SPATA22: variants seen among roughly 807,000 people sequenced by gnomAD.
SPATA22 encodes spermatogenesis-associated protein 22.
Under a neutral mutation model 47.8 loss-of-function variants are expected in SPATA22, and 29 were observed. The ratio of observed to expected loss-of-function variants is 0.61; its 90% CI spans 0.45 to 0.83. The LOEUF is 0.83. Among genes scored for constraint, SPATA22 ranks in the 40% least tolerant of loss-of-function variants. The probability of loss-of-function intolerance (pLI) is 0.00; values close to 1 mark genes in which losing one functional copy is unlikely to be tolerated. For missense variants in SPATA22, 410 were observed against 421.7 expected (o/e 0.97, Z 0.24); for synonymous variants, 133 against 140.9 (o/e 0.94, Z 0.40).
At chr17:3,504,781 AC>A (rs2074026507) in intron 1 of SPATA22, among the ~76,000 whole-genome samples, 1 of 151,938 alleles carries the variant, frequency 6.6e-6, no homozygotes, top group Admixed American at 6.6e-5. Context: ...CTGGTCTCGA[AC>A]CCCCGAACTC....
At chr17:3,472,398 C>G (rs1014376759), upstream of SPATA22, 1 of 152,550 alleles carries the variant, frequency 6.6e-6, no homozygotes, top group Non-Finnish European at 1.5e-5. Context: ...GGTGTGCGAC[C>G]CTGGGCGTTG....
At chr17:3,496,959 G>A (rs548167131) in intron 1 of SPATA22, among the ~76,000 whole-genome samples, 7 of 152,248 alleles carry the variant, frequency 4.6e-5, no homozygotes, top group South Asian at 2.1e-4. Context: ...CCAGCTACTC[G>A]GGAGCCTGAG....
upstream of SPATA22, chr17:3,476,361 G>T (rs1212502643): frequency 6.2e-7 from 1 of 1,614,130 alleles, no homozygotes; most frequent in East Asian, 2.2e-5. Context: ...TATTGACTGT[G>T]ACCTGAATCG....
chr17:3,485,064 G>C lies in SPATA22; in HGVS notation c.-73-15666C>G, dbSNP rs969298851. Reference sequence around the variant, plus strand: ...GAAAAGGGTCTCACTCTGTTGCCCAGGCTGAGTGTAGTGGCACGATCACAG... The same window carrying C: ...GAAAAGGGTCTCACTCTGTTGCCCACGCTGAGTGTAGTGGCACGATCACAG... On this transcript the variant is annotated intron_variant, in intron 1 of 8. Coordinates refer to the SPATA22 transcript ENST00000541913. The surrounding 1 kb of genome is among the most constrained non-coding windows in gnomAD (Gnocchi z 4.4). Among the ~76,000 whole-genome samples, 1 of 152,034 alleles carries C rather than the reference G, an allele frequency of 6.6e-6. No individual in the cohort carries two copies. The highest frequency in any genetic ancestry group is 1.5e-5 in the Non-Finnish European group (1 of 68,022).
chr17:3,455,376 T>C (rs1170962339), intron 5 of SPATA22, among the ~76,000 whole-genome samples: 1 of 151,692 alleles, frequency 6.6e-6, no homozygotes, highest in East Asian at 1.9e-4. Context: ...TGCCCATGCC[T>C]ATGTCCTGAA....
At chr17:3,445,041 G>A (rs942721685) in intron 7 of SPATA22, among the ~76,000 whole-genome samples, 7 of 152,024 alleles carry the variant, frequency 4.6e-5, no homozygotes, top group Non-Finnish European at 1.0e-4. Context: ...AGAGAACCTG[G>A]GGAAATGAAT....
At chr17:3,476,311 T>C, upstream of SPATA22, 3 of 1,614,150 alleles carry the variant, frequency 1.9e-6, no homozygotes, top group Non-Finnish European at 2.5e-6. Flanking sequence ...GTAAAACCAT[T>C]TATTACTAAC....
chr17:3,462,062 TCC>T (rs1360502109), intron 5 of SPATA22, among the ~76,000 whole-genome samples: 1 of 152,200 alleles, frequency 6.6e-6, no homozygotes, highest in Non-Finnish European at 1.5e-5. Flanking sequence ...CTTCTGCCAT[TCC>T]GTTTACCTTG....
At chr17:3,447,021 T>C (rs550113294) in intron 6 of SPATA22, among the ~76,000 whole-genome samples, 1 of 152,222 alleles carries the variant, frequency 6.6e-6, no homozygotes, top group African/African-American at 2.4e-5. Flanking sequence ...ATGCCAAACA[T>C]AGCTATTTAG....
intron 1 of SPATA22, among the ~76,000 whole-genome samples, chr17:3,509,329 C>G (rs769378092): frequency 6.6e-6 from 1 of 152,122 alleles, no homozygotes; most frequent in East Asian, 1.9e-4. Context: ...CCCCTACCCC[C>G]CAACAGGCCC....
Position 3,446,558 on chromosome 17 carries a change from G to A in SPATA22, c.716C>T (p.Ser239Phe). The A allele has an allele frequency of 6.2e-7, 1 of 1,601,990 alleles. No homozygotes were observed. The highest frequency in any genetic ancestry group is 1.1e-5 in the South Asian group (1 of 89,488). The change falls in exon 7 of 9, where the codon TCT becomes TTT. Residue 239 changes from serine to phenylalanine, a missense_variant. By Grantham distance (155) the Ser-to-Phe change is radical. Coordinates refer to ENST00000572969, the MANE Select transcript of SPATA22 (RefSeq NM_001170698.2). ...YQLQFKEKAS[S>F]LRIISAVIES... ...AATAACTGCAGAAATAATTCTTAAA[G>A]AACTAGCTTTTTCCTTAAACTGTAA...
At chr17:3,461,316 C>T (rs1359065919) in intron 5 of SPATA22, among the ~76,000 whole-genome samples, 1 of 152,168 alleles carries the variant, frequency 6.6e-6, no homozygotes, top group African/African-American at 2.4e-5. Context: ...AAAAGATCTT[C>T]AGCAGATTAC....
rs1207726373 is a variant in SPATA22 at position 3,485,145 on chromosome 17, A to G, written c.-73-15747T>C. Reference sequence around the variant, plus strand: ...GCAATCCTCCCATCTCAGCCTCCCAAGTAGCTTGAACTACAGGCACGTGCC... The same window carrying G: ...GCAATCCTCCCATCTCAGCCTCCCAGGTAGCTTGAACTACAGGCACGTGCC... On this transcript the variant is annotated intron_variant, in intron 1 of 8. Coordinates refer to the SPATA22 transcript ENST00000541913. This position sits in a 1 kb window ranked among gnomAD's most constrained non-coding sequence, Gnocchi z 4.4. Among the ~76,000 whole-genome samples the G allele has an allele frequency of 6.6e-6, 1 of 152,104 alleles. No homozygotes were observed. Among genetic ancestry groups the G allele is most frequent in the Non-Finnish European group, 1.5e-5 (1 of 68,018 alleles).
chr17:3,496,056 G>A (rs1036035781), intron 1 of SPATA22, among the ~76,000 whole-genome samples: 1 of 152,232 alleles, frequency 6.6e-6, no homozygotes, highest in African/African-American at 2.4e-5. Flanking sequence ...ACGGAGAAGT[G>A]AGATGAATGA....
At chr17:3,457,198 G>A (rs1268892742) in intron 5 of SPATA22, among the ~76,000 whole-genome samples, 2 of 150,748 alleles carry the variant, frequency 1.3e-5, no homozygotes, top group South Asian at 4.3e-4. Context: ...GTTCTGGCCA[G>A]GGCAATTAGG....
At chr17:3,476,504 T>C, upstream of SPATA22, 1 of 1,002,070 alleles carries the variant, frequency 1.0e-6, no homozygotes, top group Non-Finnish European at 1.6e-6. Flanking sequence ...TGTCCGTACA[T>C]GCAGTCGTAT....
intron 1 of SPATA22, among the ~76,000 whole-genome samples, chr17:3,491,074 C>T (rs1012531842): frequency 6.6e-6 from 1 of 152,186 alleles, no homozygotes; most frequent in Non-Finnish European, 1.5e-5. Context: ...GGGCTTCATT[C>T]TTGACTCTGT....
Position 3,490,096 on chromosome 17 carries a change from A to G in SPATA22, c.-73-20698T>C, listed in dbSNP as rs184929574. Among the ~76,000 whole-genome samples the G allele has an allele frequency of 2.6e-5, 4 of 152,298 alleles. No homozygotes were observed. Among genetic ancestry groups the G allele is most frequent in the Admixed American group, 2.6e-4 (4 of 15,292 alleles). On this transcript the variant is annotated intron_variant, in intron 1 of 8. Transcript: ENST00000541913. The surrounding 1 kb of genome is among the most constrained non-coding windows in gnomAD (Gnocchi z 4.6). ...ACAATAATAATCATCACCTTCTAGG[A>G]TACATATATATGTTAACACATCACA...
Position 3,467,531 on chromosome 17 carries a change from T to C in SPATA22, c.67A>G (p.Asn23Asp). ...GGCTGTCTGTTCCTCTTTTTCTGAT[T>C]GAACAACGGAACAGGCAAACAGCCT... ...TAGCLPVPLFNQKKRNRQPLT... is the reference protein window; with the variant it reads ...TAGCLPVPLFDQKKRNRQPLT... The change falls in exon 3 of 9, where the codon AAT becomes GAT. Residue 23 changes from asparagine (N) to aspartate (D), a missense_variant. Physicochemically the swap from Asn to Asp is conservative, Grantham distance 23. Transcript: ENST00000572969. 1 of 1,608,150 alleles carries C rather than the reference T, an allele frequency of 6.2e-7. No homozygotes were observed. The highest frequency in any genetic ancestry group is 8.5e-7 in the Non-Finnish European group (1 of 1,177,238).
Sources: allele counts gnomAD v4.1 joint callset (sites outside exome capture counted in the v4.1 genomes callset), GRCh38; gene constraint gnomAD v4.1.1; non-coding constraint Gnocchi (gnomAD v3.1); transcripts MANE v1.5; gene names NCBI Gene and HGNC (gene_info 2026-07-23, HGNC 2026-07-21).